The following TTBK2 variants were observed in gnomAD, a reference collection of about 807,000 sequenced individuals.
The protein encoded by TTBK2 is tau tubulin kinase 2, also known as tau-tubulin kinase 2.
In TTBK2, 28 loss-of-function variants were observed where a neutral mutation model predicts 110.8. That is an observed-to-expected ratio of 0.25 (90% confidence interval 0.19 to 0.35). TTBK2 has a LOEUF of 0.35. TTBK2 is among the 10% of genes least tolerant of loss of function. TTBK2 has a pLI of 1.00. For synonymous variants in TTBK2, 532 were observed against 527.3 expected (o/e 1.01, Z -0.12); for missense variants, 1,369 against 1,500.3 (o/e 0.91, Z 1.45).
At chr15:42,782,374 C>T (rs1194799223) in intron 11 of TTBK2, among the ~76,000 whole-genome samples, 2 of 152,074 alleles carry the variant, frequency 1.3e-5, no homozygotes, top group Non-Finnish European at 2.9e-5. Flanking sequence ...GCCTGGCCCT[C>T]ATGTACATAT....
At chr15:42,816,113 T>TATATATATATATATAC (rs1567040901) in intron 7 of TTBK2, among the ~76,000 whole-genome samples, 1 of 125,266 alleles carries the variant, frequency 8.0e-6, no homozygotes, top group African/African-American at 3.3e-5. Flanking sequence ...TATATATATA[T>TATATATATATATATAC]ATATATGTGT....
At chr15:42,894,946 G>C (rs1895609699) in intron 1 of TTBK2, among the ~76,000 whole-genome samples, 1 of 152,122 alleles carries the variant, frequency 6.6e-6, no homozygotes, top group Admixed American at 6.6e-5. Flanking sequence ...CAGATTAATA[G>C]TCTAAAAATG....
chr15:42,780,682 T>C (rs1317953087), intron 11 of TTBK2, among the ~76,000 whole-genome samples: 1 of 151,958 alleles, frequency 6.6e-6, no homozygotes, highest in African/African-American at 2.4e-5. Context: ...TAAAAATAAT[T>C]TGGCTGGGCG....
At chr15:42,792,665 C>T (rs1204705706) in intron 10 of TTBK2, among the ~76,000 whole-genome samples, 1 of 152,102 alleles carries the variant, frequency 6.6e-6, no homozygotes, top group African/African-American at 2.4e-5. Flanking sequence ...TCATCTTCCC[C>T]ACAGTTTTTC....
At chr15:42,786,130 A>G (rs1009398152) in intron 10 of TTBK2, among the ~76,000 whole-genome samples, 2 of 55,622 alleles carry the variant, frequency 3.6e-5, no homozygotes, top group African/African-American at 6.2e-5. Flanking sequence ...GAAAAAAAAG[A>G]AAGAAAAAAA....
At chr15:42,776,956 A>G in intron 12 of TTBK2, 75 bp downstream of exon 12, 1 of 1,480,768 alleles carries the variant, frequency 6.8e-7, no homozygotes, top group Non-Finnish European at 9.4e-7. Flanking sequence ...GAAATATACA[A>G]TAATAATAAC....
chr15:42,793,885 A>G (rs1350098425), intron 10 of TTBK2, among the ~76,000 whole-genome samples: 1 of 152,050 alleles, frequency 6.6e-6, no homozygotes, highest in African/African-American at 2.4e-5. Context: ...TAATGTCCCA[A>G]TTAACTTAAA....
At chr15:42,818,592 TG>T (rs1892145242) in intron 6 of TTBK2, among the ~76,000 whole-genome samples, 1 of 151,734 alleles carries the variant, frequency 6.6e-6, no homozygotes, top group Non-Finnish European at 1.5e-5. Context: ...TGGTGGCAGG[TG>T]CCTGTAGTCC....
rs1327704855 is a variant in TTBK2 at position 42,896,567 on chromosome 15, G to A, written c.-67-17883C>T. Among the ~76,000 whole-genome samples the A allele has an allele frequency of 2.0e-5, 3 of 152,064 alleles. No individual in the cohort carries two copies. In the East Asian group the frequency reaches 5.8e-4, roughly 30 times the overall value. ...TTTGGGAGGCTGAGGAAGGACTATC[G>A]CTGGAGGCCAGGAGTTTAAGAACAG... On this transcript the variant is annotated intron_variant, in intron 1 of 14. Transcript: ENST00000267890.
chr15:42,793,086 T>C (rs577846047), intron 10 of TTBK2, among the ~76,000 whole-genome samples: 1 of 152,328 alleles, frequency 6.6e-6, no homozygotes, highest in East Asian at 1.9e-4. Context: ...GTGTTAGGAT[T>C]ATTTCCTCAC....
chr15:42,841,736 T>C (rs960114046), intron 3 of TTBK2, among the ~76,000 whole-genome samples: 4 of 152,166 alleles, frequency 2.6e-5, no homozygotes, highest in African/African-American at 9.7e-5. Context: ...GGATTAGAGA[T>C]AGATAAAATA....
At chr15:42,867,635 T>G (rs1247285130) in intron 3 of TTBK2, among the ~76,000 whole-genome samples, 1 of 152,128 alleles carries the variant, frequency 6.6e-6, no homozygotes, top group African/African-American at 2.4e-5. Flanking sequence ...CAATGAGATG[T>G]CACTACACAC....
At chr15:42,919,455 A>G (rs2031255998) in intron 1 of TTBK2, among the ~76,000 whole-genome samples, 3 of 152,228 alleles carry the variant, frequency 2.0e-5, no homozygotes, top group Admixed American at 1.3e-4. Context: ...TTAGATACCA[A>G]TGCAACTATT....
chr15:42,840,328 G>C (rs537756958), intron 4 of TTBK2, 32 bp downstream of exon 4: 1 of 1,577,478 alleles, frequency 6.3e-7, no homozygotes, highest in East Asian at 2.2e-5. Flanking sequence ...CAAAACTGAA[G>C]AATTTAAAGA....
intron 9 of TTBK2, among the ~76,000 whole-genome samples, chr15:42,795,789 G>A (rs1450037342): frequency 1.4e-5 from 2 of 141,872 alleles, no homozygotes; most frequent in Middle Eastern, 3.9e-3. Flanking sequence ...GCTGCAGTGA[G>A]ACAAGATCGT....
At chr15:42,814,461 T>C (rs539593052) in intron 7 of TTBK2, among the ~76,000 whole-genome samples, 30 of 152,060 alleles carry the variant, frequency 2.0e-4, no homozygotes, top group African/African-American at 7.0e-4. Flanking sequence ...CCTGTGGTCC[T>C]AGCTACTGAG....
intron 13 of TTBK2, among the ~76,000 whole-genome samples, chr15:42,770,453 G>A (rs1157406933): frequency 6.6e-6 from 1 of 152,114 alleles, no homozygotes; most frequent in African/African-American, 2.4e-5. Context: ...TTGCACACAT[G>A]AGTATATCAA....
chr15:42,749,201 G>A (rs1262228613), intron 14 of TTBK2, among the ~76,000 whole-genome samples: 1 of 152,222 alleles, frequency 6.6e-6, no homozygotes, highest in Non-Finnish European at 1.5e-5. Context: ...GGAAATGGAG[G>A]TTCTTACTGC....
intron 1 of TTBK2, 47 bp from the exon 2 acceptor site, chr15:42,878,731 A>T (rs1894924308): frequency 3.2e-6 from 5 of 1,580,188 alleles, no homozygotes; most frequent in Non-Finnish European, 2.6e-6. Context: ...AGGGTTAACT[A>T]ATCAACACAA....
Sources: gnomAD v4.1 joint callset for allele counts (sites outside exome capture counted in the v4.1 genomes callset) on GRCh38, gnomAD v4.1.1 for gene constraint, MANE v1.5 for transcripts, NCBI Gene and HGNC (gene_info 2026-07-23, HGNC 2026-07-21) for gene names.